SLC30A8: variants seen among roughly 807,000 people sequenced by gnomAD.
SLC30A8 encodes solute carrier family 30 member 8.
A neutral mutation model predicts 36.9 loss-of-function variants in SLC30A8; 27 were observed. That is an observed-to-expected ratio of 0.73 (90% CI 0.54 to 1.01). SLC30A8 has a LOEUF of 1.01. Ranked by LOEUF, SLC30A8 falls within the 50% of genes least tolerant of loss-of-function variation. SLC30A8 has a pLI of 0.00. For missense variants in SLC30A8, 439 were observed against 452.0 expected, an observed-to-expected ratio of 0.97 and a Z score of 0.26; for synonymous variants, 164 against 172.4, an observed-to-expected ratio of 0.95 and a Z score of 0.38.
chr8:117,120,898 T>C (rs768234353), intron 2 of SLC30A8, among the ~76,000 whole-genome samples: 69 of 151,878 alleles, frequency 4.5e-4, no homozygotes, highest in Non-Finnish European at 6.9e-4. Context: ...ATATCACTAA[T>C]CATCAGAAAA....
At chr8:116,977,771 A>G (rs1189080578) in intron 1 of SLC30A8, among the ~76,000 whole-genome samples, 1 of 151,940 alleles carries the variant, frequency 6.6e-6, no homozygotes, top group African/African-American at 2.4e-5. Context: ...CGGCCTCCCA[A>G]AGTGTTGGGA....
chr8:117,120,270 T>C (rs1266880868), intron 2 of SLC30A8, among the ~76,000 whole-genome samples: 1 of 151,886 alleles, frequency 6.6e-6, no homozygotes, highest in Admixed American at 6.6e-5. Context: ...AAGACAGATA[T>C]ACAGACCGAT....
In SLC30A8 at chr8:116,951,845, G is replaced by A. The variant is rs141292331; in HGVS notation, c.-266+726G>A. Among the ~76,000 whole-genome samples the A allele has an allele frequency of 7.4e-4, 112 of 151,918 alleles. 1 individual carries two copies. Among genetic ancestry groups the A allele is most frequent in the African/African-American group, 2.4e-3 (100 of 41,368 alleles). On this transcript the variant is annotated intron_variant, in intron 1 of 10. Coordinates refer to the SLC30A8 transcript ENST00000427715. ...ATAAGCATCTTTCTGGATGCTGAGCGTAGGACAATAAACCTGAAAAGATGG... is the reference window on the plus strand; with the variant it reads ...ATAAGCATCTTTCTGGATGCTGAGCATAGGACAATAAACCTGAAAAGATGG...
At chr8:117,019,687 G>A (rs1816641507) in intron 1 of SLC30A8, among the ~76,000 whole-genome samples, 1 of 152,170 alleles carries the variant, frequency 6.6e-6, no homozygotes, top group Non-Finnish European at 1.5e-5. Flanking sequence ...AGGCTGTGCT[G>A]TATTGAAAAG....
intron 4 of SLC30A8, 88 bp downstream of exon 4, chr8:117,157,932 A>G (rs750986693): frequency 1.4e-4 from 204 of 1,421,358 alleles, no homozygotes; most frequent in Non-Finnish European, 1.9e-4. Flanking sequence ...AACTCAGTAC[A>G]TGTGAAGATG....
In SLC30A8 at chr8:117,147,827, GATGA is replaced by G. The variant is rs781487237; in HGVS notation, c.271+678_271+681del. Among the ~76,000 whole-genome samples the G allele has an allele frequency of 5.9e-5, 9 of 152,226 alleles. No homozygotes were observed. The South Asian group carries it at 1.9e-3, about 32-fold the overall frequency. ...CTCTAAAATACTTTGCTACTGTATA[GATGA>G]ATGTTTTATTTTAATATTTATTTCT... On this transcript the variant is annotated intron_variant, in intron 2 of 7. Coordinates refer to ENST00000456015, the MANE Select transcript of SLC30A8 (RefSeq NM_173851.3).
rs1823646138 is a variant in SLC30A8, at chr8:117,175,720, G to A, written c.*3039G>A. The A allele has an allele frequency of 6.6e-6, 1 of 152,076 alleles. No individual in the cohort carries two copies. The highest frequency in any genetic ancestry group is 6.6e-5 in the Admixed American group (1 of 15,258). The allele number at this position is 152,076 out of a possible 1,614,324, so 9.4% of individuals were successfully genotyped here. On this transcript the variant is annotated 3_prime_UTR_variant, in exon 8 of 8. Coordinates refer to ENST00000456015, the MANE Select transcript of SLC30A8 (RefSeq NM_173851.3). ...TTATGTACAAACATGAGTGGGCACA[G>A]AATTTTAAATCATCTCAACTTTTGA... is the stretch of plus-strand genomic sequence containing the variant.
chr8:117,105,077 T>C (rs1406059302), intron 2 of SLC30A8, among the ~76,000 whole-genome samples: 2 of 152,150 alleles, frequency 1.3e-5, no homozygotes, highest in Non-Finnish European at 2.9e-5. Flanking sequence ...TATTGGAAGT[T>C]GTTTCATCAG....
At chr8:117,023,111 A>T (rs916848661) in intron 1 of SLC30A8, among the ~76,000 whole-genome samples, 5 of 152,262 alleles carry the variant, frequency 3.3e-5, no homozygotes, top group African/African-American at 1.2e-4. Context: ...CAGCCAAAAG[A>T]CACATGAAAA....
chr8:117,022,886 TTAAAC>T (rs1465224448), intron 1 of SLC30A8, among the ~76,000 whole-genome samples: 4 of 152,142 alleles, frequency 2.6e-5, no homozygotes, highest in South Asian at 4.1e-4. Flanking sequence ...TGGGATCTAA[TTAAAC>T]TAAAGAGCTT....
intron 1 of SLC30A8, among the ~76,000 whole-genome samples, chr8:117,004,205 T>C (rs900837952): frequency 1.3e-5 from 2 of 152,190 alleles, no homozygotes; most frequent in African/African-American, 4.8e-5. Flanking sequence ...ATGTTCTCAT[T>C]TTCATTCTTC....
intron 6 of SLC30A8, 125 bp from the exon 7 acceptor site, chr8:117,170,909 A>G (rs1823343908): frequency 1.3e-6 from 1 of 757,588 alleles, no homozygotes; most frequent in South Asian, 2.2e-5. Context: ...AAACATTTGA[A>G]GTAAGAAACC....
intron 1 of SLC30A8, among the ~76,000 whole-genome samples, chr8:116,969,825 T>C (rs1467233626): frequency 6.6e-6 from 1 of 152,198 alleles, no homozygotes; most frequent in Non-Finnish European, 1.5e-5. Flanking sequence ...GAATGGAGCT[T>C]GCAGGACTGA....
intron 2 of SLC30A8, among the ~76,000 whole-genome samples, chr8:117,112,074 G>A (rs745711382): frequency 1.3e-4 from 20 of 152,026 alleles, no homozygotes; most frequent in Non-Finnish European, 2.2e-4. Flanking sequence ...CATTTCTTCC[G>A]TCTCTATTTC....
chr8:117,122,887 G>A (rs1217753905), intron 2 of SLC30A8, among the ~76,000 whole-genome samples: 1 of 151,892 alleles, frequency 6.6e-6, no homozygotes, highest in Non-Finnish European at 1.5e-5. Flanking sequence ...AAATGCTTAA[G>A]TCAATTGCTT....
intron 2 of SLC30A8, among the ~76,000 whole-genome samples, chr8:117,077,155 G>A (rs1818514917): frequency 6.6e-6 from 1 of 152,130 alleles, no homozygotes; most frequent in African/African-American, 2.4e-5. Context: ...GCTCTCCTAT[G>A]TGACCTAGGT....
At chr8:117,107,914 C>A in intron 2 of SLC30A8, among the ~76,000 whole-genome samples, 1 of 152,062 alleles carries the variant, frequency 6.6e-6, no homozygotes. Context: ...TCCAAATGGC[C>A]TCTCTTTCAT....
intron 1 of SLC30A8, among the ~76,000 whole-genome samples, chr8:117,004,620 ATAGT>A (rs1217714831): frequency 1.3e-5 from 2 of 152,136 alleles, no homozygotes; most frequent in Non-Finnish European, 2.9e-5. Flanking sequence ...TTCATGGTAA[ATAGT>A]TAATCATTCA....
intron 1 of SLC30A8, among the ~76,000 whole-genome samples, chr8:117,012,935 AG>A (rs1021484912): frequency 6.6e-6 from 1 of 152,030 alleles, no homozygotes; most frequent in African/African-American, 2.4e-5. Flanking sequence ...TCTAAGAAAA[AG>A]ATCTAATAAT....
Sources: gnomAD v4.1 joint callset for allele counts (sites outside exome capture counted in the v4.1 genomes callset) on GRCh38, gnomAD v4.1.1 for gene constraint, MANE v1.5 for transcripts, NCBI Gene and HGNC (gene_info 2026-07-23, HGNC 2026-07-21) for gene names.